Variants in CNR1 observed in about 807,000 individuals in gnomAD.
The protein encoded by CNR1 is cannabinoid receptor 1.
Under a neutral mutation model 23.0 loss-of-function variants are expected in CNR1, and 10 were observed. The observed-to-expected ratio is 0.43, with a 90% CI of 0.27 to 0.74. The LOEUF (loss-of-function observed/expected upper bound fraction) is 0.74. Among genes scored for constraint, CNR1 ranks in the 30% least tolerant of loss-of-function variants. The probability of loss-of-function intolerance (pLI) is 0.19; values close to 1 mark genes in which losing one functional copy is unlikely to be tolerated. For missense variants in CNR1, 422 were observed against 618.8 expected, an observed-to-expected ratio of 0.68 and a Z score of 3.37; for synonymous variants, 271 against 255.2, an observed-to-expected ratio of 1.06 and a Z score of -0.59.
chr6:88,151,417 G>A (rs892282832), intron 1 of CNR1, among the ~76,000 whole-genome samples: 45 of 152,260 alleles, frequency 3.0e-4, no homozygotes, highest in African/African-American at 9.6e-4. Context: ...TTAGGAGTTA[G>A]CAGACCAAGA....
At chr6:88,148,244 C>T (rs911663472) in intron 1 of CNR1, among the ~76,000 whole-genome samples, 10 of 152,172 alleles carry the variant, frequency 6.6e-5, no homozygotes, top group African/African-American at 1.4e-4. Flanking sequence ...CTTCCCATGG[C>T]GATGAACACC....
intron 1 of CNR1, among the ~76,000 whole-genome samples, chr6:88,153,737 A>G (rs1777651338): frequency 1.3e-5 from 2 of 152,218 alleles, no homozygotes; most frequent in South Asian, 4.1e-4. Flanking sequence ...GTGCTAATGT[A>G]TTTCTCTAAA....
chr6:88,144,444 C>T lies in CNR1; in HGVS notation c.831G>A (p.Met277Ile). 1.2e-6 allele frequency: 2 copies of T among 1,614,128 alleles called. No homozygotes were observed. Among genetic ancestry groups the T allele is most frequent in the Non-Finnish European group, 1.7e-6 (2 of 1,180,032 alleles). Residue 277 changes from methionine (M) to isoleucine (I), a missense_variant, in exon 2 of 2, where the codon ATG becomes ATA. Transcript: ENST00000369501. The surrounding 1 kb of genome is among the most constrained non-coding windows in gnomAD (Gnocchi z 7.8). ...GTACGCTGGTGACCCCGATCCAGAACATCAGGTAGGTTTCATCAATGTGTG... is the reference window on the plus strand; with the variant it reads ...GTACGCTGGTGACCCCGATCCAGAATATCAGGTAGGTTTCATCAATGTGTG... ...IFPHIDETYL[M>I]FWIGVTSVLL... is the part of the protein sequence containing the mutation.
intron 1 of CNR1, among the ~76,000 whole-genome samples, chr6:88,162,622 G>A (rs1327789435): frequency 6.6e-6 from 1 of 151,914 alleles, no homozygotes; most frequent in African/African-American, 2.4e-5. Context: ...GATAAGATTA[G>A]GAAAGAACTG....
At chr6:88,154,092 T>C (rs1293288494) in intron 1 of CNR1, among the ~76,000 whole-genome samples, 1 of 152,234 alleles carries the variant, frequency 6.6e-6, no homozygotes, top group Non-Finnish European at 1.5e-5. Flanking sequence ...TTGGTAACAC[T>C]CAATTGGCTC....
intron 1 of CNR1, among the ~76,000 whole-genome samples, chr6:88,162,173 C>A (rs562360861): frequency 3.2e-4 from 48 of 152,342 alleles, no homozygotes; most frequent in African/African-American, 1.1e-3. Context: ...TCTGCTTTAA[C>A]TCTTCAGTGT....
chr6:88,163,709 G>C (rs1208081979), intron 1 of CNR1, among the ~76,000 whole-genome samples: 7 of 152,206 alleles, frequency 4.6e-5, no homozygotes, highest in African/African-American at 1.7e-4. Context: ...TTTTCTTTTG[G>C]AAGAGGCTGA....
At position 88,142,038 on chromosome 6, in the gene CNR1, A is replaced by C. The variant is rs1776852971; in HGVS notation, c.*1818T>G. The C allele has an allele frequency of 6.6e-6, 1 of 152,350 alleles. No individual in the cohort carries two copies. Among genetic ancestry groups the C allele is most frequent in the South Asian group, 2.1e-4 (1 of 4,830 alleles). The allele number at this position is 152,350 out of a possible 1,614,324, so 9.4% of individuals were successfully genotyped here. A position where few individuals can be genotyped will look rare whatever the true frequency, so the allele number is the denominator to read the frequency against. ...CCCAACAAGCACCCATGGCGCCATT[A>C]AGGAGCATGAGACCGGGGTGTAAGA... On this transcript the variant is annotated 3_prime_UTR_variant, in exon 2 of 2. Transcript: ENST00000369501.
At position 88,141,375 on chromosome 6, in the gene CNR1, A is replaced by T. The variant is rs1034724403; in HGVS notation, c.*2481T>A. The T allele has an allele frequency of 6.5e-6, 1 of 152,758 alleles. No homozygotes were observed. The highest frequency in any genetic ancestry group is 2.1e-4 in the South Asian group (1 of 4,832). 9.5% of individuals were successfully genotyped at this position (152,758 alleles called of 1,614,324 possible). The stretch of plus-strand genomic sequence containing the variant: ...AGTGCTGTCAGCCCCATTGTCCCTT[A>T]ATTTATTATATATGATTTAGATCTT... On this transcript the variant is annotated 3_prime_UTR_variant, in exon 2 of 2. Coordinates refer to ENST00000369501, the MANE Select transcript of CNR1 (RefSeq NM_016083.6).
Position 88,143,154 on chromosome 6 carries a change from T to C in CNR1, c.*702A>G, listed in dbSNP as rs995005230. 1 of 152,414 alleles carries C rather than the reference T, an allele frequency of 6.6e-6. No homozygotes were observed. The allele number at this position is 152,414 out of a possible 1,614,324, so 9.4% of individuals were successfully genotyped here. On this transcript the variant is annotated 3_prime_UTR_variant, in exon 2 of 2. Coordinates refer to ENST00000369501, the MANE Select transcript of CNR1 (RefSeq NM_016083.6). ...TTAAGTATGAATGAATTCTGCTCAA[T>C]ATTTTGAAGTCTTCAAATTCTTCTT...
At chr6:88,160,834 ATT>A (rs1778064906) in intron 1 of CNR1, among the ~76,000 whole-genome samples, 1 of 152,222 alleles carries the variant, frequency 6.6e-6, no homozygotes, top group South Asian at 2.1e-4. Flanking sequence ...ATTGATTCCA[ATT>A]TTCTTCTCTA....
At chr6:88,158,864 G>A (rs1006633865) in intron 1 of CNR1, among the ~76,000 whole-genome samples, 1 of 152,148 alleles carries the variant, frequency 6.6e-6, no homozygotes, top group African/African-American at 2.4e-5. Context: ...TATAACTGAG[G>A]TATTCCTATT....
rs1419946189 is a variant in CNR1 at position 88,139,929 on chromosome 6, G to A, written c.*3927C>T. 1 of 152,322 alleles carries A rather than the reference G, an allele frequency of 6.6e-6. No homozygotes were observed. Among genetic ancestry groups the A allele is most frequent in the Non-Finnish European group, 1.5e-5 (1 of 68,012 alleles). 9.4% of individuals were successfully genotyped at this position (152,322 alleles called of 1,614,324 possible). ...CCAGGTAACTTTGGACAATAGACATGATGAGATGTTTTCTCTTTGAATAAG... is the reference window on the plus strand; with the variant it reads ...CCAGGTAACTTTGGACAATAGACATAATGAGATGTTTTCTCTTTGAATAAG... On this transcript the variant is annotated 3_prime_UTR_variant, in exon 2 of 2. Coordinates refer to ENST00000369501, the MANE Select transcript of CNR1 (RefSeq NM_016083.6).
chr6:88,159,111 C>A (rs6933128), intron 1 of CNR1, among the ~76,000 whole-genome samples: 30,664 of 152,080 alleles, frequency 0.2, 3,338 homozygotes, highest in Middle Eastern at 0.29. Context: ...CTATGCAAAG[C>A]TTTATAGGGT....
rs1439109293 is a variant in CNR1 at position 88,166,269 on chromosome 6, C to G, written c.-530G>C. ...CCCGCCTGGCCCGGCGTGGGGCCGC[C>G]CGTCTCCGCCAGCCCGGGCGCCCGT... is the stretch of plus-strand genomic sequence containing the variant. On this transcript the variant is annotated 5_prime_UTR_variant, in exon 1 of 2. Transcript: ENST00000369501. 1 of 152,414 alleles carries G rather than the reference C, an allele frequency of 6.6e-6. No homozygotes were observed. Among genetic ancestry groups the G allele is most frequent in the Non-Finnish European group, 1.5e-5 (1 of 68,246 alleles). The allele number at this position is 152,414 out of a possible 1,614,324, so 9.4% of individuals were successfully genotyped here. A position where few individuals can be genotyped will look rare whatever the true frequency, so the allele number is the denominator to read the frequency against.
chr6:88,159,805 G>A (rs148426281), intron 1 of CNR1, among the ~76,000 whole-genome samples: 184 of 152,312 alleles, frequency 1.2e-3, no homozygotes, highest in Non-Finnish European at 2.1e-3. Context: ...TGGTAGCAAT[G>A]CATTTCAATG....
At chr6:88,160,409 C>T (rs186688114) in intron 1 of CNR1, among the ~76,000 whole-genome samples, 2 of 150,392 alleles carry the variant, frequency 1.3e-5, no homozygotes, top group African/African-American at 4.9e-5. Context: ...TTATTTAAAA[C>T]AAACTTAAAA....
intron 1 of CNR1, among the ~76,000 whole-genome samples, chr6:88,149,532 T>C (rs1313549033): frequency 6.6e-6 from 1 of 152,236 alleles, no homozygotes; most frequent in East Asian, 1.9e-4. Context: ...GAGCTGTTCC[T>C]TACATGGTCC....
At chr6:88,167,089 C>G (rs916891381), upstream of CNR1, among the ~76,000 whole-genome samples, 1 of 151,864 alleles carries the variant, frequency 6.6e-6, no homozygotes, top group Admixed American at 6.6e-5. Context: ...CCCCGCCCGC[C>G]GGTCCCCGAT....
Sources: allele counts gnomAD v4.1 joint callset (sites outside exome capture counted in the v4.1 genomes callset), GRCh38; gene constraint gnomAD v4.1.1; non-coding constraint Gnocchi (gnomAD v3.1); transcripts MANE v1.5; gene names NCBI Gene and HGNC (gene_info 2026-07-23, HGNC 2026-07-21).